Variants in ULK1 observed in about 807,000 individuals in gnomAD.
ULK1 encodes unc-51 like autophagy activating kinase 1, also known as serine/threonine-protein kinase ULK1.
In ULK1, 48 loss-of-function variants were observed where a neutral mutation model predicts 117.5. The ratio of observed to expected loss-of-function variants is 0.41; its 90% CI spans 0.32 to 0.52. The LOEUF is 0.52. ULK1 is among the 20% of genes least tolerant of loss of function. ULK1 has a pLI of 0.29. For synonymous variants in ULK1, 790 were observed against 637.8 expected (o/e 1.24, Z -3.60); for missense variants, 1,387 against 1,473.4 (o/e 0.94, Z 0.96).
rs756270836 is a variant in ULK1, at chr12:131,911,950, C to T, written c.957C>T (p.Gly319=). ...TSHLASPPSL[G]EMQQLQKTLA... Reference sequence around the variant, plus strand: ...CCTCCGTTGACTCTCAGTCCCTGGGCGAGATGCAGCAGCTGCAGAAGACCC... The same window carrying T: ...CCTCCGTTGACTCTCAGTCCCTGGGTGAGATGCAGCAGCTGCAGAAGACCC... The change falls in exon 13 of 28, where the codon GGC becomes GGT. Residue 319 remains glycine (G), a synonymous_variant. Coordinates refer to ENST00000321867, the MANE Select transcript of ULK1 (RefSeq NM_003565.4). The T allele has an allele frequency of 3.1e-6, 5 of 1,612,832 alleles. No individual in the cohort carries two copies. The highest frequency in any genetic ancestry group is 1.7e-5 in the Admixed American group (1 of 60,026).
Position 131,895,696 on chromosome 12 carries a change from G to A in ULK1, c.204+3G>A. On this transcript the variant is annotated splice_donor_region_variant and intron_variant, in intron 2 of 27. Transcript: ENST00000321867. The stretch of plus-strand genomic sequence containing the variant: ...GGAAGGAAATCAAAATCCTGAAGGT[G>A]AGCCAGTGCTGGGGGAGGGGGCGTG... 2 of 1,614,188 alleles carry A rather than the reference G, an allele frequency of 1.2e-6. No homozygotes were observed. Among genetic ancestry groups the A allele is most frequent in the Non-Finnish European group, 1.7e-6 (2 of 1,180,006 alleles).
chr12:131,897,325 A>AAGAAAATCCTCAAACATTACGGGAGGG (rs1888913519), intron 3 of ULK1: 5 of 152,246 alleles, frequency 3.3e-5, no homozygotes, highest in African/African-American at 1.2e-4. Flanking sequence ...TGGGTGATAA[A>AAGAAAATCCTCAAACATTACGGGAGGG]AGAAAATCCT....
At chr12:131,909,657 T>TC (rs956075423) in intron 8 of ULK1, 118 bp from the exon 9 acceptor site, 33 of 1,090,880 alleles carry the variant, frequency 3.0e-5, no homozygotes, top group Non-Finnish European at 3.9e-5. Flanking sequence ...GCACCCGGTT[T>TC]CCCCCGGGCT....
Position 131,912,085 on chromosome 12 carries a change from T to C in ULK1, c.1092T>C (p.Phe364=), listed in dbSNP as rs753224154. The part of the protein sequence containing the change: ...TDDFVMVPAQ[F]PGDLVAEAPS... ...ACTTCGTCATGGTCCCCGCGCAGTT[T>C]CCAGGTCAGGGGGCACGCTGGGCTT... The change falls in exon 13 of 28, where the codon TTT becomes TTC. Residue 364 remains phenylalanine, a synonymous_variant. Coordinates refer to ENST00000321867, the MANE Select transcript of ULK1 (RefSeq NM_003565.4). 6.2e-7 allele frequency: 1 copy of C among 1,611,458 alleles called. No homozygotes were observed. The highest frequency in any genetic ancestry group is 1.3e-5 in the African/African-American group (1 of 75,036).
Position 131,920,350 on chromosome 12 carries a change from A to G in ULK1, c.2961+214A>G, listed in dbSNP as rs1593278366. The G allele has an allele frequency of 1.2e-5, 7 of 589,652 alleles. 1 individual carries two copies. The highest frequency in any genetic ancestry group is 2.2e-5 in the South Asian group (1 of 45,698). 36.5% of individuals were successfully genotyped at this position (589,652 alleles called of 1,614,324 possible). ...CTTGATTGTACGGGTGCCGTGGCCC[A>G]TGTGCATCCTGCCTCGCCCCGACTC... On this transcript the variant is annotated intron_variant, in intron 26 of 27. Transcript: ENST00000321867.
In ULK1 at chr12:131,922,748, T is replaced by A. The variant is rs1890203781; in HGVS notation, c.*1387T>A. On this transcript the variant is annotated 3_prime_UTR_variant, in exon 28 of 28. Coordinates refer to ENST00000321867, the MANE Select transcript of ULK1 (RefSeq NM_003565.4). The stretch of plus-strand genomic sequence containing the variant: ...TCACACGCCACATAACAGACAAAAA[T>A]ACACACACGTGTGTTTTTCTTTGCA... 6.6e-6 allele frequency: 1 copy of A among 152,472 alleles called. No individual in the cohort carries two copies. Among genetic ancestry groups the A allele is most frequent in the South Asian group, 2.1e-4 (1 of 4,836 alleles). 9.4% of individuals were successfully genotyped at this position (152,472 alleles called of 1,614,324 possible). A position where few individuals can be genotyped will look rare whatever the true frequency, so the allele number is the denominator to read the frequency against.
Position 131,903,334 on chromosome 12 carries a change from G to A in ULK1, c.247-3558G>A, listed in dbSNP as rs1251768668. Reference sequence around the variant, plus strand: ...GGGTGACTGGCTTGGCATTGGCACTGGGCAGAGTGAGGACAGGACTCCAGC... The same window carrying A: ...GGGTGACTGGCTTGGCATTGGCACTAGGCAGAGTGAGGACAGGACTCCAGC... On this transcript the variant is annotated intron_variant, in intron 3 of 27. Coordinates refer to ENST00000321867, the MANE Select transcript of ULK1 (RefSeq NM_003565.4). The surrounding 1 kb of genome is among the most constrained non-coding windows in gnomAD (Gnocchi z 6.0). Among the ~76,000 whole-genome samples the A allele has an allele frequency of 3.3e-5, 5 of 152,224 alleles. No individual in the cohort carries two copies. The highest frequency in any genetic ancestry group is 5.9e-5 in the Non-Finnish European group (4 of 68,026).
In ULK1 at chr12:131,915,067, T is replaced by G. The variant is rs558008107; in HGVS notation, c.1374-16T>G. Reference sequence around the variant, plus strand: ...GCTGCTGAGGCCTCCCCTCCTAATATCTGCCTTGTCTTCAGGTCCTCTGCC... The same window carrying G: ...GCTGCTGAGGCCTCCCCTCCTAATAGCTGCCTTGTCTTCAGGTCCTCTGCC... On this transcript the variant is annotated splice_polypyrimidine_tract_variant and intron_variant, in intron 16 of 27. Coordinates refer to ENST00000321867, the MANE Select transcript of ULK1 (RefSeq NM_003565.4). 6.5e-7 allele frequency: 1 copy of G among 1,526,754 alleles called. No individual in the cohort carries two copies. Among genetic ancestry groups the G allele is most frequent in the Non-Finnish European group, 8.8e-7 (1 of 1,137,758 alleles). The allele number at this position is 1,526,754 out of a possible 1,614,324, so 94.6% of individuals were successfully genotyped here.
chr12:131,912,119 C>A (rs753368592), intron 13 of ULK1, 30 bp downstream of exon 13: 1 of 1,601,954 alleles, frequency 6.2e-7, no homozygotes, highest in Non-Finnish European at 8.5e-7. Context: ...TTGGAGGTGA[C>A]GCCTCAGGTG....
rs374629976 is a variant in ULK1, at chr12:131,916,558, G to A, written c.2039G>A (p.Arg680Gln). 1.1e-5 allele frequency: 17 copies of A among 1,600,686 alleles called. No individual in the cohort carries two copies. The highest frequency in any genetic ancestry group is 1.0e-4 in the Admixed American group (6 of 57,412). The change falls in exon 20 of 28, where the codon CGG (arginine) becomes CAG (glutamine). Residue 680 changes from arginine (R) to glutamine (Q), a missense_variant. Transcript: ENST00000321867. Reference sequence around the variant, plus strand: ...GGTCAGCCGTTGGGCCCTGGCCTGCGGCCAGGCGAGGACCCCAAGGGCCCC... The same window carrying A: ...GGTCAGCCGTTGGGCCCTGGCCTGCAGCCAGGCGAGGACCCCAAGGGCCCC... ...FHGQPLGPGL[R>Q]PGEDPKGPFG...
At chr12:131,916,668 C>CT in intron 20 of ULK1, 77 bp downstream of exon 20, 2 of 1,412,486 alleles carry the variant, frequency 1.4e-6, no homozygotes, top group Non-Finnish European at 1.9e-6. Flanking sequence ...CTGGGTACTT[C>CT]TGGGGGGTAG....
rs946517933 is a variant in ULK1 at position 131,908,779 on chromosome 12, G to A, written c.452G>A (p.Gly151Asp). 3 of 1,607,014 alleles carry A rather than the reference G, an allele frequency of 1.9e-6. No homozygotes were observed. The highest frequency in any genetic ancestry group is 2.5e-6 in the Non-Finnish European group (3 of 1,177,740). The change falls in exon 6 of 28, where the codon GGC becomes GAC. Residue 151 changes from glycine to aspartate, a missense_variant. Gly to Asp is a moderately conservative substitution (Grantham distance 94). This residue lies in a region of ULK1 where 224 missense variants were observed against 325.2 expected (regional missense o/e 0.69). Transcript: ENST00000321867. ...AACATCCTGCTGTCCAACCCCGCCGGCCGCCGCGCCAACCCCAACAGCATC... is the reference window on the plus strand; with the variant it reads ...AACATCCTGCTGTCCAACCCCGCCGACCGCCGCGCCAACCCCAACAGCATC... ...PQNILLSNPA[G>D]RRANPNSIRV...
At chr12:131,916,315 G>A (rs1889780164) in intron 19 of ULK1, 83 bp from the exon 20 acceptor site, 1 of 1,518,602 alleles carries the variant, frequency 6.6e-7, no homozygotes, top group Non-Finnish European at 8.8e-7. Context: ...GCCAGTTCCT[G>A]CGGACTCGGC....
intron 3 of ULK1, among the ~76,000 whole-genome samples, chr12:131,900,254 A>G (rs1889034173): frequency 6.6e-6 from 1 of 152,148 alleles, no homozygotes; most frequent in Non-Finnish European, 1.5e-5. Context: ...TATGAAGCAA[A>G]GTAGCTTCTT....
Position 131,916,400 on chromosome 12 carries a change from T to C in ULK1, c.1881T>C (p.Ala627=). The change falls in exon 20 of 28, where the codon GCT becomes GCC. Residue 627 remains alanine, a splice_region_variant and synonymous_variant. Coordinates refer to ENST00000321867, the MANE Select transcript of ULK1 (RefSeq NM_003565.4). ...TCACCCCATCTCTGTCCTCCTAGGCTGTGCCCTCCTTTGACTTCCCGAAGA... is the reference window on the plus strand; with the variant it reads ...TCACCCCATCTCTGTCCTCCTAGGCCGTGCCCTCCTTTGACTTCCCGAAGA... ...LPPILGSPTK[A]VPSFDFPKTP... 2 of 1,578,924 alleles carry C rather than the reference T, an allele frequency of 1.3e-6. No homozygotes were observed. The highest frequency in any genetic ancestry group is 1.7e-6 in the Non-Finnish European group (2 of 1,162,358).
chr12:131,899,376 C>T (rs1043650335), intron 3 of ULK1, among the ~76,000 whole-genome samples: 1 of 152,056 alleles, frequency 6.6e-6, no homozygotes, highest in Non-Finnish European at 1.5e-5. Context: ...TTAGTAGAGA[C>T]AAGGTTTCTC....
At chr12:131,916,247 C>A in intron 19 of ULK1, 88 bp downstream of exon 19, 1 of 1,538,766 alleles carries the variant, frequency 6.5e-7, no homozygotes, top group Non-Finnish European at 8.8e-7. Flanking sequence ...CCGAGGAAGG[C>A]AGCTCTGTAC....
chr12:131,895,927 G>C, intron 3 of ULK1, 103 bp downstream of exon 3: 1 of 1,458,404 alleles, frequency 6.9e-7, no homozygotes, highest in Non-Finnish European at 9.5e-7. Context: ...GTCCAGGCTG[G>C]GGTCTACTGG....
chr12:131,912,960 C>T (rs745318597), intron 13 of ULK1, among the ~76,000 whole-genome samples: 2 of 152,150 alleles, frequency 1.3e-5, no homozygotes, highest in Non-Finnish European at 2.9e-5. Context: ...GCGCAGAGTC[C>T]AAGTGGGGAT....
Sources: gnomAD v4.1 joint callset for allele counts (sites outside exome capture counted in the v4.1 genomes callset) on GRCh38, gnomAD v4.1.1 for gene constraint, gnomAD v4.1.1 regional missense constraint, Gnocchi (gnomAD v3.1) non-coding constraint, MANE v1.5 for transcripts, NCBI Gene and HGNC (gene_info 2026-07-23, HGNC 2026-07-21) for gene names.